Variants in CLIP1 observed in about 807,000 individuals in gnomAD.
CLIP1 encodes CAP-Gly domain containing linker protein 1.
A neutral mutation model predicts 161.6 loss-of-function variants in CLIP1; 66 were observed. The observed-to-expected ratio is 0.41, with a 90% CI of 0.33 to 0.50. CLIP1 has a LOEUF of 0.50. CLIP1 is among the 20% of genes least tolerant of loss of function. The pLI, the probability that CLIP1 is intolerant of heterozygous loss-of-function variation, is 0.27. For synonymous variants in CLIP1, 598 were observed against 626.2 expected (o/e 0.96, Z 0.67); for missense variants, 1,376 against 1,702.0 (o/e 0.81, Z 3.37).
At chr12:122,405,863 G>A (rs1333847715) in intron 1 of CLIP1, among the ~76,000 whole-genome samples, 1 of 152,044 alleles carries the variant, frequency 6.6e-6, no homozygotes, top group East Asian at 1.9e-4. Flanking sequence ...GAGGTCAGAC[G>A]TTCAAGACCA....
chr12:122,402,819 C>T (rs970791329), intron 1 of CLIP1, among the ~76,000 whole-genome samples: 2 of 152,128 alleles, frequency 1.3e-5, no homozygotes, highest in Admixed American at 6.6e-5. Context: ...AATATCACCT[C>T]GTCTCTAACA....
chr12:122,408,857 T>C (rs1956423297), intron 1 of CLIP1, among the ~76,000 whole-genome samples: 1 of 152,078 alleles, frequency 6.6e-6, no homozygotes, highest in South Asian at 2.1e-4. Flanking sequence ...GTCTCCACTC[T>C]GTCACCCAGG....
At chr12:122,394,488 CAAA>C (rs66683857) in intron 1 of CLIP1, among the ~76,000 whole-genome samples, 2 of 57,978 alleles carry the variant, frequency 3.4e-5, no homozygotes, top group Non-Finnish European at 5.9e-5. Context: ...GACGCTGTCT[CAAA>C]AAAAAAAAAA....
At chr12:122,328,503 TTAA>T in intron 15 of CLIP1, 77 bp from the exon 16 acceptor site, 1 of 765,732 alleles carries the variant, frequency 1.3e-6, no homozygotes, top group Admixed American at 3.8e-5. Context: ...AAATATACTA[TTAA>T]TAATTGTAAT....
Position 122,376,175 on chromosome 12 carries a change from T to C in CLIP1, c.657+1214A>G, listed in dbSNP as rs146086009. 9.7e-3 allele frequency among the ~76,000 whole-genome samples: 1,483 copies of C among 152,220 alleles called. 27 individuals carry two copies. The highest frequency in any genetic ancestry group is 0.034 in the African/African-American group (1,417 of 41,518). On this transcript the variant is annotated intron_variant, in intron 3 of 25. Coordinates refer to ENST00000620786, the MANE Select transcript of CLIP1 (RefSeq NM_001247997.2). The stretch of plus-strand genomic sequence containing the variant: ...CTGGTCTTGAACTCCTGACCTCAAG[T>C]GATCCACCCGCTTAGCCTCCCAAAC...
At chr12:122,324,991 T>G (rs538590039) in intron 17 of CLIP1, among the ~76,000 whole-genome samples, 12 of 152,092 alleles carry the variant, frequency 7.9e-5, no homozygotes, top group African/African-American at 2.9e-4. Context: ...ATTTACTGAA[T>G]TATAAGATAA....
intron 15 of CLIP1, among the ~76,000 whole-genome samples, chr12:122,330,774 T>C (rs1951920333): frequency 6.6e-6 from 1 of 151,474 alleles, no homozygotes; most frequent in African/African-American, 2.4e-5. Flanking sequence ...TCATTTTTTG[T>C]ATTTTTTTAG....
At chr12:122,416,888 G>A (rs1291776537) in intron 1 of CLIP1, among the ~76,000 whole-genome samples, 9 of 150,144 alleles carry the variant, frequency 6.0e-5, no homozygotes, top group Admixed American at 1.3e-4. Flanking sequence ...CAACAAGAGC[G>A]ACACTCCATC....
rs944083788 is a variant in CLIP1 at position 122,409,403 on chromosome 12, G to C, written c.-107+13118C>G. Among the ~76,000 whole-genome samples, 15 of 152,200 alleles carry C rather than the reference G, an allele frequency of 9.9e-5. No individual in the cohort carries two copies. In the East Asian group the frequency reaches 2.7e-3, roughly 27 times the overall value. ...GGCTTCCCAAAGTGCTGGGATTACA[G>C]GCACGAGCCACCACGCCCAGCCTAT... is the stretch of plus-strand genomic sequence containing the variant. On this transcript the variant is annotated intron_variant, in intron 1 of 25. Coordinates refer to ENST00000620786, the MANE Select transcript of CLIP1 (RefSeq NM_001247997.2).
intron 5 of CLIP1, among the ~76,000 whole-genome samples, chr12:122,360,059 G>C (rs373065279): frequency 2.4e-4 from 37 of 152,134 alleles, no homozygotes; most frequent in African/African-American, 8.9e-4. Flanking sequence ...AGGGAGAGAG[G>C]GAAAGGGACC....
chr12:122,343,955 T>C (rs1177938119), intron 10 of CLIP1: 1 of 152,284 alleles, frequency 6.6e-6, no homozygotes, highest in East Asian at 1.9e-4. Context: ...AGGTGGTACA[T>C]GCCTATATAC....
chr12:122,372,074 G>A (rs567238300), intron 3 of CLIP1, among the ~76,000 whole-genome samples: 2 of 152,168 alleles, frequency 1.3e-5, no homozygotes, highest in African/African-American at 4.8e-5. Context: ...TTGAGGTCAG[G>A]AGTTCGAGAC....
chr12:122,370,385 A>G (rs1232827156), intron 3 of CLIP1, among the ~76,000 whole-genome samples: 1 of 152,154 alleles, frequency 6.6e-6, no homozygotes, highest in East Asian at 1.9e-4. Flanking sequence ...TTGGTGCCAT[A>G]TCTACAACAC....
intron 24 of CLIP1, chr12:122,277,845 AAG>A: frequency 3.7e-6 from 1 of 267,402 alleles, no homozygotes. Context: ...AAAAAAAAAA[AAG>A]GGAGGGAAGA....
intron 17 of CLIP1, among the ~76,000 whole-genome samples, chr12:122,325,312 C>A (rs1951669062): frequency 6.6e-6 from 1 of 152,108 alleles, no homozygotes; most frequent in Non-Finnish European, 1.5e-5. Flanking sequence ...CCCACCTAGG[C>A]CTCCCGAAGT....
At chr12:122,410,736 G>A (rs1427789302) in intron 1 of CLIP1, among the ~76,000 whole-genome samples, 1 of 152,146 alleles carries the variant, frequency 6.6e-6, no homozygotes, top group Non-Finnish European at 1.5e-5. Context: ...TGGGATTACA[G>A]GCGTGAGCCA....
intron 23 of CLIP1, 97 bp from the exon 24 acceptor site, chr12:122,278,300 A>G: frequency 8.6e-7 from 1 of 1,156,084 alleles, no homozygotes; most frequent in Non-Finnish European, 1.3e-6. Flanking sequence ...CCTGTGTTCA[A>G]AACTCATTTT....
chr12:122,318,066 CTTCT>C (rs1951338192), intron 18 of CLIP1, among the ~76,000 whole-genome samples: 1 of 152,128 alleles, frequency 6.6e-6, no homozygotes, highest in African/African-American at 2.4e-5. Context: ...AATGTACTTC[CTTCT>C]ATGTGAAGTG....
At chr12:122,408,246 AG>A (rs1327408033) in intron 1 of CLIP1, among the ~76,000 whole-genome samples, 14 of 151,770 alleles carry the variant, frequency 9.2e-5, no homozygotes, top group South Asian at 2.1e-4. Context: ...AAAAAAAAAA[AG>A]GTTCTTGTTT....
Sources: gnomAD v4.1 joint callset for allele counts (sites outside exome capture counted in the v4.1 genomes callset) on GRCh38, gnomAD v4.1.1 for gene constraint, MANE v1.5 for transcripts, NCBI Gene and HGNC (gene_info 2026-07-23, HGNC 2026-07-21) for gene names.